The following CAMK1 variants were observed in gnomAD, a reference collection of about 807,000 sequenced individuals.
CAMK1 encodes the protein calcium/calmodulin-dependent protein kinase type 1.
A neutral mutation model predicts 49.1 loss-of-function variants in CAMK1; 39 were observed. That is an observed-to-expected ratio of 0.79 (90% confidence interval 0.62 to 1.04). The LOEUF (loss-of-function observed/expected upper bound fraction) is 1.04. Among genes scored for constraint, CAMK1 ranks in the 50% least tolerant of loss-of-function variants. CAMK1 has a pLI of 0.00. For missense variants in CAMK1, 457 were observed against 472.2 expected, an observed-to-expected ratio of 0.97 and a Z score of 0.30; for synonymous variants, 192 against 185.2, an observed-to-expected ratio of 1.04 and a Z score of -0.30.
intron 1 of CAMK1, among the ~76,000 whole-genome samples, chr3:9,768,967 A>T (rs1260324364): frequency 6.6e-6 from 1 of 151,972 alleles, no homozygotes; most frequent in Non-Finnish European, 1.5e-5. Context: ...ACCCTCACAG[A>T]TCCACACACA....
At chr3:9,769,559 A>G (rs2078251857) in intron 1 of CAMK1, among the ~76,000 whole-genome samples, 1 of 151,866 alleles carries the variant, frequency 6.6e-6, no homozygotes. Context: ...CCCCATGGAT[A>G]CCTCCAAATG....
chr3:9,758,031 C>CAT, intron 10 of CAMK1, 185 bp from the exon 11 acceptor site: 1 of 829,208 alleles, frequency 1.2e-6, no homozygotes, highest in Non-Finnish European at 1.8e-6. Flanking sequence ...CACACACACA[C>CAT]GCACATATGT....
At chr3:9,759,053 T>G in intron 10 of CAMK1, 1 of 782,330 alleles carries the variant, frequency 1.3e-6, no homozygotes. Context: ...GCCCCTTACC[T>G]GCTTCTCTAA....
rs1169082923 is a variant in CAMK1 at position 9,759,599 on chromosome 3, T to C, written c.825-24A>G. On this transcript the variant is annotated intron_variant, in intron 9 of 11. Coordinates refer to ENST00000256460, the MANE Select transcript of CAMK1 (RefSeq NM_003656.5). ...TCCTAGGATGGGGTTATGTGGTGGG[T>C]TGCCTATGAGGGCAGAAGCAGACCT... 10 of 1,614,038 alleles carry C rather than the reference T, an allele frequency of 6.2e-6. No homozygotes were observed. In the African/African-American group the frequency reaches 1.2e-4, roughly 19 times the overall value.
At chr3:9,766,249 A>G (rs1325849189) in intron 2 of CAMK1, 2 of 711,518 alleles carry the variant, frequency 2.8e-6, no homozygotes, top group Non-Finnish European at 5.1e-6. Context: ...AGGAAGTCCA[A>G]CCTGAGAAAT....
chr3:9,763,202 G>A lies in CAMK1; in HGVS notation c.227C>T (p.Pro76Leu), dbSNP rs754227326. 1.2e-6 allele frequency: 2 copies of A among 1,613,734 alleles called. No homozygotes were observed. The highest frequency in any genetic ancestry group is 1.7e-5 in the Admixed American group (1 of 59,980). Residue 76 changes from proline to leucine, a missense_variant, in exon 4 of 12, where the codon CCC (proline) becomes CTC (leucine). Coordinates refer to ENST00000256460, the MANE Select transcript of CAMK1 (RefSeq NM_003656.5). ...GATGTCATCCAGGGCTACAATGTTG[G>A]GGTGCTTGATCCTGAAAGGAGAAAT... ...EIAVLHKIKH[P>L]NIVALDDIYE...
chr3:9,761,556 T>G lies in CAMK1; in HGVS notation c.557-20A>C, dbSNP rs2077873232. The G allele has an allele frequency of 1.2e-6, 2 of 1,613,084 alleles. No homozygotes were observed. ...CAGGGGCTGTGGAGGGAAGAGGACG[T>G]GGTGGTGACAAATCTCTGCCCTTCA... is the stretch of plus-strand genomic sequence containing the variant. On this transcript the variant is annotated intron_variant, in intron 6 of 11. Coordinates refer to ENST00000256460, the MANE Select transcript of CAMK1 (RefSeq NM_003656.5).
At position 9,761,732 on chromosome 3, in the gene CAMK1, A is replaced by G; in HGVS notation, c.455T>C (p.Leu152Pro). Residue 152 changes from leucine (L) to proline (P), a missense_variant, in exon 6 of 12, where the codon CTG becomes CCG. By Grantham distance (98) the Leu-to-Pro change is moderately conservative (BLOSUM62 -3). Transcript: ENST00000256460. ...GATCATGATTTTGGAGTCTTCATCC[A>G]GGCTGTAGTACAGCAGATTCTCTGG... The part of the protein sequence containing the change: ...LKPENLLYYS[L>P]DEDSKIMISD... 2 of 1,614,142 alleles carry G rather than the reference A, an allele frequency of 1.2e-6. No individual in the cohort carries two copies. Among genetic ancestry groups the G allele is most frequent in the South Asian group, 1.1e-5 (1 of 91,082 alleles).
At chr3:9,758,080 A>G in intron 10 of CAMK1, 1 of 527,200 alleles carries the variant, frequency 1.9e-6, no homozygotes, top group Non-Finnish European at 3.2e-6. Flanking sequence ...TAGAAACATA[A>G]CTATAATTCA....
Position 9,757,848 on chromosome 3 carries a change from T to C in CAMK1, c.913-2A>G. On this transcript the variant is annotated splice_acceptor_variant, in intron 10 of 11. Coordinates refer to ENST00000256460, the MANE Select transcript of CAMK1 (RefSeq NM_003656.5). LOFTEE classifies it high-confidence loss of function. This position sits in a 1 kb window ranked among gnomAD's most constrained non-coding sequence, Gnocchi z 4.5. ...CACAGCCGTGGCATTGAAGGCTTGCTGGCATTGAAGGCATTGAAGGGAGAG... is the reference window on the plus strand; with the variant it reads ...CACAGCCGTGGCATTGAAGGCTTGCCGGCATTGAAGGCATTGAAGGGAGAG... 1.2e-6 allele frequency: 2 copies of C among 1,603,232 alleles called. No homozygotes were observed. Among genetic ancestry groups the C allele is most frequent in the Non-Finnish European group, 1.7e-6 (2 of 1,171,304 alleles).
chr3:9,769,386 T>G (rs2078245006), intron 1 of CAMK1, among the ~76,000 whole-genome samples: 1 of 151,970 alleles, frequency 6.6e-6, no homozygotes, highest in South Asian at 2.1e-4. Context: ...TACACAATTG[T>G]ACACCCCCTC....
Position 9,765,853 on chromosome 3 carries a change from T to A in CAMK1, c.121A>T (p.Arg41Trp). 2 of 1,614,020 alleles carry A rather than the reference T, an allele frequency of 1.2e-6. No individual in the cohort carries two copies. The highest frequency in any genetic ancestry group is 1.7e-6 in the Non-Finnish European group (2 of 1,179,972). ...TTGATGGCCACCAGCTTCTGCGTCC[T>A]CTTATCTTCTGCCAGGATCACCTCC... ...FSEVILAEDK[R>W]TQKLVAIKCI... Residue 41 changes from arginine (R) to tryptophan (W), a missense_variant, in exon 3 of 12, where the codon AGG becomes TGG. By Grantham distance (101) the Arg-to-Trp change is moderately radical. Transcript: ENST00000256460.
intron 5 of CAMK1, among the ~76,000 whole-genome samples, 183 bp downstream of exon 5, chr3:9,762,731 C>T (rs1028295614): frequency 3.3e-5 from 5 of 151,988 alleles, no homozygotes; most frequent in African/African-American, 1.2e-4. Flanking sequence ...ACAATTCACT[C>T]GTGTTCCTTT....
intron 1 of CAMK1, among the ~76,000 whole-genome samples, chr3:9,769,028 AAC>A (rs1427681733): frequency 2.6e-5 from 4 of 151,954 alleles, no homozygotes; most frequent in African/African-American, 9.7e-5. Flanking sequence ...CCTGAACTCA[AAC>A]ACCTGCCTCC....
chr3:9,758,589 T>C (rs1430470638), intron 10 of CAMK1: 1 of 158,060 alleles, frequency 6.3e-6, no homozygotes, highest in African/African-American at 2.4e-5. Context: ...TCCTAATGCG[T>C]CACCCAGTCT....
Position 9,757,479 on chromosome 3 carries a change from G to C in CAMK1, c.*60C>G. ...AGAAACTCCCGGTTCAGGGAGGGAA[G>C]GGGAGCAGGCTGCCCCCAAGCCCTC... On this transcript the variant is annotated 3_prime_UTR_variant, in exon 12 of 12. Coordinates refer to ENST00000256460, the MANE Select transcript of CAMK1 (RefSeq NM_003656.5). The surrounding 1 kb of genome is among the most constrained non-coding windows in gnomAD (Gnocchi z 4.5). 3 of 1,603,344 alleles carry C rather than the reference G, an allele frequency of 1.9e-6. No homozygotes were observed. Among genetic ancestry groups the C allele is most frequent in the Non-Finnish European group, 2.6e-6 (3 of 1,173,100 alleles).
At chr3:9,767,491 C>T (rs2078186364) in intron 2 of CAMK1, among the ~76,000 whole-genome samples, 176 bp downstream of exon 2, 1 of 152,212 alleles carries the variant, frequency 6.6e-6, no homozygotes, top group Non-Finnish European at 1.5e-5. Context: ...GGAGAGCAGC[C>T]CGTGTCCCAC....
At chr3:9,763,293 T>A (rs2077978657) in intron 3 of CAMK1, 80 bp from the exon 4 acceptor site, 5 of 1,579,876 alleles carry the variant, frequency 3.2e-6, no homozygotes, top group Non-Finnish European at 4.3e-6. Context: ...CTTGGGAGGC[T>A]GAGGCAGGAG....
Position 9,767,763 on chromosome 3 carries a change from C to T in CAMK1, c.-14G>A. 1 of 1,613,812 alleles carries T rather than the reference C, an allele frequency of 6.2e-7. No individual in the cohort carries two copies. The highest frequency in any genetic ancestry group is 8.5e-7 in the Non-Finnish European group (1 of 1,179,968). On this transcript the variant is annotated 5_prime_UTR_variant, in exon 2 of 12. Coordinates refer to ENST00000256460, the MANE Select transcript of CAMK1 (RefSeq NM_003656.5). Reference sequence around the variant, plus strand: ...TGCCCCCAGCATGGCCCACTGCCCCCCGACCACAGCCAGGGCTCCTGTAAG... The same window carrying T: ...TGCCCCCAGCATGGCCCACTGCCCCTCGACCACAGCCAGGGCTCCTGTAAG...
Sources: allele counts gnomAD v4.1 joint callset (sites outside exome capture counted in the v4.1 genomes callset), GRCh38; gene constraint gnomAD v4.1.1; non-coding constraint Gnocchi (gnomAD v3.1); transcripts MANE v1.5; gene names NCBI Gene and HGNC (gene_info 2026-07-23, HGNC 2026-07-21).